ALOX12B: variants seen among roughly 807,000 people sequenced by gnomAD.
The protein encoded by ALOX12B is arachidonate 12-lipoxygenase, 12R type.
Under a neutral mutation model 78.9 loss-of-function variants are expected in ALOX12B, and 47 were observed. The observed-to-expected ratio is 0.60, with a 90% confidence interval of 0.47 to 0.76. The LOEUF (loss-of-function observed/expected upper bound fraction) is 0.76. ALOX12B is among the 30% of genes least tolerant of loss of function. ALOX12B has a pLI of 0.00. For synonymous variants in ALOX12B, 370 were observed against 374.5 expected (o/e 0.99, Z 0.14); for missense variants, 805 against 922.6 (o/e 0.87, Z 1.65).
rs761519997 is a variant in ALOX12B, at chr17:8,073,232, G to A, written c.1842C>T (p.Thr614=). 124 of 1,614,098 alleles carry A rather than the reference G, an allele frequency of 7.7e-5. No homozygotes were observed. Among genetic ancestry groups the A allele is most frequent in the South Asian group, 3.0e-4 (27 of 91,086 alleles). Reference sequence around the variant, plus strand: ...TCACATCCGGCAACGTGTCCATGAAGGTCTCCAGAGTGGTCAGCCCCTTAG... The same window carrying A: ...TCACATCCGGCAACGTGTCCATGAAAGTCTCCAGAGTGGTCAGCCCCTTAG... The part of the protein sequence containing the change: ...IQTKGLTTLE[T]FMDTLPDVKT... Residue 614 remains threonine (T), a synonymous_variant, in exon 14 of 15, where the codon ACC becomes ACT. Coordinates refer to ENST00000647874, the MANE Select transcript of ALOX12B (RefSeq NM_001139.3).
At chr17:8,081,019 C>G in intron 3 of ALOX12B, 43 bp from the exon 4 acceptor site, 1 of 1,612,884 alleles carries the variant, frequency 6.2e-7, no homozygotes, top group Non-Finnish European at 8.5e-7. Context: ...CCGTGCACCA[C>G]CCCAGGGCAA....
In ALOX12B at chr17:8,086,217, C is replaced by A. The variant is rs746652209; in HGVS notation, c.151G>T (p.Gly51Cys). ...TGAGGGCACTGCACGGTGTACTGGC[C>A]CACCTAGGCAGGATGCAAGCCTGGC... ...FGRDFATGAV[G>C]QYTVQCPQDL... is the part of the protein sequence containing the mutation. The change falls in exon 2 of 15, where the codon GGC (glycine) becomes TGC (cysteine). Residue 51 changes from glycine (G) to cysteine (C), a missense_variant. Gly to Cys is a radical substitution (Grantham distance 159). Coordinates refer to ENST00000647874, the MANE Select transcript of ALOX12B (RefSeq NM_001139.3). 3.1e-6 allele frequency: 5 copies of A among 1,613,772 alleles called. No homozygotes were observed. In the African/African-American group the frequency reaches 4.0e-5, roughly 13 times the overall value.
rs754820173 is a variant in ALOX12B at position 8,076,752 on chromosome 17, A to G, written c.1276-9T>C. ...GTATGGGGGATGAGGAGCTGTGGGG[A>G]GAGCAAGGAGGATGAAGAGAGAGGG... On this transcript the variant is annotated splice_polypyrimidine_tract_variant and intron_variant, in intron 9 of 14. Coordinates refer to ENST00000647874, the MANE Select transcript of ALOX12B (RefSeq NM_001139.3). 2 of 1,549,652 alleles carry G rather than the reference A, an allele frequency of 1.3e-6. No individual in the cohort carries two copies. Among genetic ancestry groups the G allele is most frequent in the East Asian group, 2.4e-5 (1 of 40,926 alleles).
In ALOX12B at chr17:8,087,302, A is replaced by G; in HGVS notation, c.141T>C (p.Thr47=). The G allele has an allele frequency of 6.2e-7, 1 of 1,611,496 alleles. No homozygotes were observed. The highest frequency in any genetic ancestry group is 8.5e-7 in the Non-Finnish European group (1 of 1,179,216). ...LLNHFGRDFA[T]GAVGQYTVQC... ...CACACACACACACTCTTACCGCCCC[A>G]GTTGCAAAGTCTCTCCCAAAGTGGT... Residue 47 remains threonine, a synonymous_variant, in exon 1 of 15, where the codon ACT becomes ACC. Transcript: ENST00000647874.
At chr17:8,087,159 C>T (rs1043610887) in intron 1 of ALOX12B, 137 bp downstream of exon 1, 1 of 1,310,876 alleles carries the variant, frequency 7.6e-7, no homozygotes, top group Non-Finnish European at 1.1e-6. Context: ...TCGCCAAGCT[C>T]AGCTCACCTG....
At position 8,079,683 on chromosome 17, in the gene ALOX12B, C is replaced by T. The variant is rs1197908890; in HGVS notation, c.927+86G>A. On this transcript the variant is annotated intron_variant, in intron 7 of 14. Transcript: ENST00000647874. This position sits in a 1 kb window ranked among gnomAD's most constrained non-coding sequence, Gnocchi z 6.4. ...GGGGTGCGGGCTTGCCTGGGACTGGCGCGGGCGCCGGAGGTGGGGAGAGAC... is the reference window on the plus strand; with the variant it reads ...GGGGTGCGGGCTTGCCTGGGACTGGTGCGGGCGCCGGAGGTGGGGAGAGAC... The T allele has an allele frequency of 2.6e-6, 4 of 1,546,144 alleles. No individual in the cohort carries two copies. Among genetic ancestry groups the T allele is most frequent in the Non-Finnish European group, 3.5e-6 (4 of 1,144,840 alleles).
rs770936055 is a variant in ALOX12B, at chr17:8,072,995, C to T, written c.1927-45G>A. 6.9e-6 allele frequency: 11 copies of T among 1,596,212 alleles called. No individual in the cohort carries two copies. In the African/African-American group the frequency reaches 9.4e-5, roughly 14 times the overall value. On this transcript the variant is annotated intron_variant, in intron 14 of 14. Coordinates refer to ENST00000647874, the MANE Select transcript of ALOX12B (RefSeq NM_001139.3). Reference sequence around the variant, plus strand: ...CAGCTGGGACCAGGGCCGGCCAGCACCCCCTCCTCCTGCCGGTGGCCCTGG... The same window carrying T: ...CAGCTGGGACCAGGGCCGGCCAGCATCCCCTCCTCCTGCCGGTGGCCCTGG...
chr17:8,077,025 G>A lies in ALOX12B; in HGVS notation c.1240C>T (p.Leu414=). 6.2e-7 allele frequency: 1 copy of A among 1,613,940 alleles called. No homozygotes were observed. Among genetic ancestry groups the A allele is most frequent in the Non-Finnish European group, 8.5e-7 (1 of 1,179,994 alleles). The change falls in exon 9 of 15, where the codon CTG becomes TTG. Residue 414 remains leucine, a synonymous_variant. Coordinates refer to ENST00000647874, the MANE Select transcript of ALOX12B (RefSeq NM_001139.3). ...LIAEAFCLAL[L]RNLPMCHPLY... is the part of the protein sequence containing the mutation. ...GGGTGGCACATGGGCAGGTTCCTCA[G>A]CAAGGCCAGGCAGAAGGCCTCAGCA...
In ALOX12B at chr17:8,072,927, G is replaced by A. The variant is rs1035579761; in HGVS notation, c.1950C>T (p.Asp650=). ...DDRRPLGHFP[D]IHFVEEAPRR... Reference sequence around the variant, plus strand: ...GCGGGGCCTCCTCCACGAAGTGAATGTCCGGGAAGTGTCCCAGGGGCCGCT... The same window carrying A: ...GCGGGGCCTCCTCCACGAAGTGAATATCCGGGAAGTGTCCCAGGGGCCGCT... Residue 650 remains aspartate, a synonymous_variant, in exon 15 of 15, where the codon GAC becomes GAT. Transcript: ENST00000647874. 6.2e-7 allele frequency: 1 copy of A among 1,613,278 alleles called. No individual in the cohort carries two copies. The highest frequency in any genetic ancestry group is 8.5e-7 in the Non-Finnish European group (1 of 1,179,624).
intron 2 of ALOX12B, among the ~76,000 whole-genome samples, chr17:8,083,768 G>A (rs530535551): frequency 1.3e-5 from 2 of 151,374 alleles, no homozygotes; most frequent in Non-Finnish European, 2.9e-5. Context: ...AAACAACTCC[G>A]TTCAGATGTC....
chr17:8,085,362 G>A (rs187221817), intron 2 of ALOX12B, among the ~76,000 whole-genome samples: 45 of 152,244 alleles, frequency 3.0e-4, no homozygotes, highest in African/African-American at 1.1e-3. Context: ...CAGGAGAATC[G>A]CTTGAACCTG....
chr17:8,084,410 T>G (rs1189072423), intron 2 of ALOX12B, among the ~76,000 whole-genome samples: 1 of 152,202 alleles, frequency 6.6e-6, no homozygotes, highest in African/African-American at 2.4e-5. Context: ...TAGCTCGTTT[T>G]CATCCCCAGG....
In ALOX12B at chr17:8,072,756, A is replaced by T. The variant is rs1431356038; in HGVS notation, c.*15T>A. The stretch of plus-strand genomic sequence containing the variant: ...AGGGCACAGAATGGGGAGAGGAGAG[A>T]CGGGAAGCGCGCTCCTAAATAGAAA... On this transcript the variant is annotated 3_prime_UTR_variant, in exon 15 of 15. Coordinates refer to ENST00000647874, the MANE Select transcript of ALOX12B (RefSeq NM_001139.3). The T allele has an allele frequency of 1.2e-6, 2 of 1,614,084 alleles. No homozygotes were observed. The highest frequency in any genetic ancestry group is 1.7e-6 in the Non-Finnish European group (2 of 1,179,958).
Position 8,080,402 on chromosome 17 carries a change from G to A in ALOX12B, c.651-64C>T. ...CTGCCAAGCGCCGGCTGGGGCAGGT[G>A]GCGGGGCCGCCCCATCCACTTAGGT... On this transcript the variant is annotated intron_variant, in intron 5 of 14. Transcript: ENST00000647874. The surrounding 1 kb of genome is among the most constrained non-coding windows in gnomAD (Gnocchi z 4.8). 1 of 1,570,064 alleles carries A rather than the reference G, an allele frequency of 6.4e-7. No homozygotes were observed. Among genetic ancestry groups the A allele is most frequent in the Non-Finnish European group, 8.8e-7 (1 of 1,140,344 alleles).
In ALOX12B at chr17:8,079,588, C is replaced by T. The variant is rs1210135247; in HGVS notation, c.928-49G>A. On this transcript the variant is annotated intron_variant, in intron 7 of 14. Coordinates refer to ENST00000647874, the MANE Select transcript of ALOX12B (RefSeq NM_001139.3). This position sits in a 1 kb window ranked among gnomAD's most constrained non-coding sequence, Gnocchi z 6.4. ...GCAAGTAGGCACCCACACGGGAAGCCCGTGACCCGCGCCGCAGGTGCACAG... is the reference window on the plus strand; with the variant it reads ...GCAAGTAGGCACCCACACGGGAAGCTCGTGACCCGCGCCGCAGGTGCACAG... 2 of 1,546,386 alleles carry T rather than the reference C, an allele frequency of 1.3e-6. No homozygotes were observed. The highest frequency in any genetic ancestry group is 2.4e-5 in the South Asian group (2 of 83,784).
At position 8,079,176 on chromosome 17, in the gene ALOX12B, C is replaced by T. The variant is rs1977151854; in HGVS notation, c.1071+220G>A. 6.6e-6 allele frequency among the ~76,000 whole-genome samples: 1 copy of T among 152,146 alleles called. No individual in the cohort carries two copies. Among genetic ancestry groups the T allele is most frequent in the South Asian group, 2.1e-4 (1 of 4,830 alleles). ...CCTCCCAAAGTGCTGGGATTACAGG[C>T]GTGAGCCACCGCGTCCGGCAATACT... On this transcript the variant is annotated intron_variant, in intron 8 of 14. Transcript: ENST00000647874. This position sits in a 1 kb window ranked among gnomAD's most constrained non-coding sequence, Gnocchi z 6.4.
At position 8,080,340 on chromosome 17, in the gene ALOX12B, T is replaced by C. The variant is rs1187283603; in HGVS notation, c.651-2A>G. On this transcript the variant is annotated splice_acceptor_variant, in intron 5 of 14. Transcript: ENST00000647874. LOFTEE classifies it high-confidence loss of function. This position sits in a 1 kb window ranked among gnomAD's most constrained non-coding sequence, Gnocchi z 4.8. ...CCGCGGACTTTGAAAGCCAGTGCCC[T>C]AGGAGATGGGATTCCAGGAAGAGGC... 1 of 1,614,092 alleles carries C rather than the reference T, an allele frequency of 6.2e-7. No individual in the cohort carries two copies. The highest frequency in any genetic ancestry group is 2.2e-5 in the East Asian group (1 of 44,864).
At chr17:8,084,133 G>T (rs544782566) in intron 2 of ALOX12B, among the ~76,000 whole-genome samples, 1 of 149,700 alleles carries the variant, frequency 6.7e-6, no homozygotes, top group South Asian at 2.1e-4. Flanking sequence ...ACTCCAGGGC[G>T]ACAGAGCGAG....
chr17:8,085,637 C>T (rs1978294551), intron 2 of ALOX12B, among the ~76,000 whole-genome samples: 1 of 152,162 alleles, frequency 6.6e-6, no homozygotes, highest in South Asian at 2.1e-4. Flanking sequence ...CATAAATAGG[C>T]CTCCTGTGAG....
Sources: gnomAD v4.1 joint callset for allele counts (sites outside exome capture counted in the v4.1 genomes callset) on GRCh38, gnomAD v4.1.1 for gene constraint, Gnocchi (gnomAD v3.1) non-coding constraint, MANE v1.5 for transcripts, NCBI Gene and HGNC (gene_info 2026-07-23, HGNC 2026-07-21) for gene names.